FGF14: variants seen among roughly 807,000 people sequenced by gnomAD.
The protein encoded by FGF14 is fibroblast growth factor 14.
A neutral mutation model predicts 25.5 loss-of-function variants in FGF14; 5 were observed. The observed-to-expected ratio is 0.20, with a 90% CI of 0.10 to 0.41. The LOEUF is 0.41. FGF14 is among the 10% of genes least tolerant of loss of function. FGF14 has a pLI of 1.00. For missense variants in FGF14, 222 were observed against 320.1 expected, an observed-to-expected ratio of 0.69 and a Z score of 2.34; for synonymous variants, 138 against 118.3, an observed-to-expected ratio of 1.17 and a Z score of -1.08.
chr13:102,372,215 A>G (rs1189432880), intron 1 of FGF14, among the ~76,000 whole-genome samples: 1 of 152,144 alleles, frequency 6.6e-6, no homozygotes, highest in Non-Finnish European at 1.5e-5. Context: ...CCAACATCTA[A>G]CCCCAAAATT....
At chr13:102,255,647 G>A (rs1034777343) in intron 1 of FGF14, among the ~76,000 whole-genome samples, 1 of 152,176 alleles carries the variant, frequency 6.6e-6, no homozygotes, top group African/African-American at 2.4e-5. Context: ...GGTAAGCTGT[G>A]AGTAAGTAAT....
chr13:102,278,124 G>GA (rs1393173706), intron 1 of FGF14, among the ~76,000 whole-genome samples: 4 of 152,292 alleles, frequency 2.6e-5, no homozygotes, highest in Admixed American at 2.6e-4. Flanking sequence ...GAATTCTAAT[G>GA]AAATAACACA....
intron 1 of FGF14, among the ~76,000 whole-genome samples, chr13:102,347,623 T>C (rs1470985066): frequency 2.6e-5 from 4 of 152,150 alleles, no homozygotes; most frequent in African/African-American, 7.2e-5. Flanking sequence ...CTAACAGCGC[T>C]GGCAATCCCA....
chr13:102,233,129 T>TTTG (rs994425033), intron 1 of FGF14, among the ~76,000 whole-genome samples: 11 of 151,960 alleles, frequency 7.2e-5, no homozygotes, highest in Admixed American at 3.3e-4. Flanking sequence ...ATATGCCATT[T>TTTG]TTGTTGTTGT....
chr13:102,220,150 T>C (rs1241760356), intron 1 of FGF14, among the ~76,000 whole-genome samples: 1 of 152,166 alleles, frequency 6.6e-6, no homozygotes, highest in African/African-American at 2.4e-5. Flanking sequence ...TTAGTCTTTT[T>C]GAATTCTAAA....
intron 1 of FGF14, among the ~76,000 whole-genome samples, chr13:101,941,005 A>C (rs1054262717): frequency 3.9e-5 from 6 of 152,234 alleles, no homozygotes; most frequent in Non-Finnish European, 7.3e-5. Context: ...TTAGAAAAAA[A>C]AACAAGTCTT....
intron 1 of FGF14, among the ~76,000 whole-genome samples, chr13:102,085,552 T>C (rs2043855985): frequency 6.6e-6 from 1 of 152,208 alleles, no homozygotes; most frequent in African/African-American, 2.4e-5. Context: ...AGTAAGGCAA[T>C]ATTTAACAAT....
intron 1 of FGF14, among the ~76,000 whole-genome samples, chr13:101,962,375 A>T (rs536335042): frequency 4.6e-5 from 7 of 152,268 alleles, no homozygotes; most frequent in African/African-American, 1.7e-4. Context: ...TTGTTGGTGT[A>T]TAGGAATGCT....
chr13:102,034,071 A>G (rs2041348964), intron 1 of FGF14, among the ~76,000 whole-genome samples: 1 of 152,114 alleles, frequency 6.6e-6, no homozygotes, highest in South Asian at 2.1e-4. Flanking sequence ...TCTGGGATCA[A>G]TGCACTATTT....
chr13:101,869,279 C>G (rs2044907785), intron 2 of FGF14, among the ~76,000 whole-genome samples: 1 of 152,168 alleles, frequency 6.6e-6, no homozygotes, highest in African/African-American at 2.4e-5. Flanking sequence ...GATTCCAAAA[C>G]TAAATGACGG....
At chr13:102,149,908 A>T (rs1368057159) in intron 1 of FGF14, among the ~76,000 whole-genome samples, 1 of 152,224 alleles carries the variant, frequency 6.6e-6, no homozygotes, top group Non-Finnish European at 1.5e-5. Flanking sequence ...TAAAGCCTCT[A>T]CTTAGCTATG....
intron 1 of FGF14, among the ~76,000 whole-genome samples, chr13:102,125,786 AAC>A (rs2045925842): frequency 6.6e-6 from 1 of 152,130 alleles, no homozygotes; most frequent in South Asian, 2.1e-4. Context: ...CATGGTGTAA[AAC>A]ACACAACCAT....
At chr13:102,297,465 T>A in intron 1 of FGF14, among the ~76,000 whole-genome samples, 1 of 152,146 alleles carries the variant, frequency 6.6e-6, no homozygotes, top group African/African-American at 2.4e-5. Context: ...CATTAGTAGT[T>A]ATGACAAATG....
intron 1 of FGF14, among the ~76,000 whole-genome samples, chr13:102,031,875 T>C (rs1307694543): frequency 6.6e-6 from 1 of 152,084 alleles, no homozygotes; most frequent in African/African-American, 2.4e-5. Context: ...CATTAAGGAA[T>C]AATGGTGATG....
intron 1 of FGF14, among the ~76,000 whole-genome samples, chr13:102,011,555 C>T (rs1221484824): frequency 6.6e-6 from 1 of 150,556 alleles, no homozygotes; most frequent in African/African-American, 2.4e-5. Context: ...GGCAGGATCG[C>T]CTTTTGGAAG....
chr13:102,376,224 G>A (rs899125795), intron 1 of FGF14, among the ~76,000 whole-genome samples: 5 of 151,974 alleles, frequency 3.3e-5, no homozygotes, highest in East Asian at 1.9e-4. Flanking sequence ...TAAGTCTCAC[G>A]AGATCTGACG....
intron 1 of FGF14, among the ~76,000 whole-genome samples, chr13:102,164,982 G>A (rs1390271430): frequency 1.3e-5 from 2 of 152,178 alleles, no homozygotes; most frequent in South Asian, 2.1e-4. Flanking sequence ...CATGGCTGGA[G>A]AGGAGAATAG....
intron 3 of FGF14, chr13:101,802,090 G>T: frequency 3.6e-6 from 1 of 274,212 alleles, no homozygotes; most frequent in African/African-American, 2.2e-5. Context: ...AAGTAGGTTC[G>T]GATGGGGAAA....
At chr13:101,908,909 C>A (rs775912447) in intron 1 of FGF14, among the ~76,000 whole-genome samples, 1 of 152,140 alleles carries the variant, frequency 6.6e-6, no homozygotes, top group Non-Finnish European at 1.5e-5. Context: ...ATGAATGGAA[C>A]AGAACAGAGC....
Sources: gnomAD v4.1 joint callset for allele counts (sites outside exome capture counted in the v4.1 genomes callset) on GRCh38, gnomAD v4.1.1 for gene constraint, MANE v1.5 for transcripts, NCBI Gene and HGNC (gene_info 2026-07-23, HGNC 2026-07-21) for gene names.